Variants in NRG3 observed in about 807,000 individuals in gnomAD.
NRG3 encodes pro-neuregulin-3, membrane-bound isoform.
NRG3 carries 31 observed loss-of-function variants against 66.9 expected under a neutral mutation model. That is an observed-to-expected ratio of 0.46 (90% CI 0.35 to 0.63). NRG3 has a LOEUF of 0.63. NRG3 is among the 20% of genes least tolerant of loss of function. The pLI is 0.00. For missense variants in NRG3, 910 were observed against 878.9 expected (o/e 1.04, Z -0.45); for synonymous variants, 393 against 359.4 (o/e 1.09, Z -1.06).
At chr10:81,916,630 T>C (rs1845738850) in intron 1 of NRG3, among the ~76,000 whole-genome samples, 1 of 152,166 alleles carries the variant, frequency 6.6e-6, no homozygotes, top group Admixed American at 6.5e-5. Flanking sequence ...AGAGATGTAG[T>C]GTACTATTTA....
At chr10:82,041,975 A>G (rs4244937) in intron 1 of NRG3, among the ~76,000 whole-genome samples, 96,644 of 151,886 alleles carry the variant, frequency 0.64, 32,333 homozygotes, top group South Asian at 0.87. Flanking sequence ...AAATGACTTG[A>G]TCAAGTCACA....
intron 2 of NRG3, among the ~76,000 whole-genome samples, chr10:82,657,904 G>GA (rs35129207): frequency 0.62 from 90,328 of 144,838 alleles, 28,249 homozygotes; most frequent in Non-Finnish European, 0.65. Flanking sequence ...CACATACACA[G>GA]AAAAAAAAAA....
At chr10:82,558,977 A>T (rs2044845279) in intron 2 of NRG3, among the ~76,000 whole-genome samples, 1 of 152,204 alleles carries the variant, frequency 6.6e-6, no homozygotes, top group African/African-American at 2.4e-5. Flanking sequence ...CAAAAAATTC[A>T]AAATCACATG....
chr10:82,173,349 C>T (rs1383338016), intron 1 of NRG3, among the ~76,000 whole-genome samples: 1 of 151,856 alleles, frequency 6.6e-6, no homozygotes, highest in Non-Finnish European at 1.5e-5. Context: ...TGGTACACTA[C>T]TGTCAAGACT....
chr10:81,981,995 CA>C (rs2060348539), intron 1 of NRG3, among the ~76,000 whole-genome samples: 1 of 152,114 alleles, frequency 6.6e-6, no homozygotes, highest in African/African-American at 2.4e-5. Flanking sequence ...GTTTTCTTTC[CA>C]AAACATACCT....
At chr10:82,798,064 CTT>C (rs2060877419) in intron 3 of NRG3, among the ~76,000 whole-genome samples, 1 of 152,058 alleles carries the variant, frequency 6.6e-6, no homozygotes, top group Non-Finnish European at 1.5e-5. Flanking sequence ...TTTCAATACT[CTT>C]TTGTATACCT....
chr10:82,379,662 G>A (rs1050827945), intron 2 of NRG3, among the ~76,000 whole-genome samples: 1 of 151,988 alleles, frequency 6.6e-6, no homozygotes, highest in African/African-American at 2.4e-5. Flanking sequence ...GGGGAAGAAG[G>A]ACTCTGGTTT....
chr10:82,322,257 G>A (rs2081617052), intron 1 of NRG3, among the ~76,000 whole-genome samples: 1 of 152,166 alleles, frequency 6.6e-6, no homozygotes. Context: ...ATTTATAAGA[G>A]TGGATAAAAA....
intron 1 of NRG3, among the ~76,000 whole-genome samples, chr10:82,229,784 A>G (rs1380621144): frequency 6.6e-6 from 1 of 152,196 alleles, no homozygotes; most frequent in Non-Finnish European, 1.5e-5. Context: ...TCAAGTTGAG[A>G]TTTTAGTTGA....
chr10:82,511,093 G>T (rs1210961660), intron 2 of NRG3, among the ~76,000 whole-genome samples: 1 of 152,148 alleles, frequency 6.6e-6, no homozygotes. Flanking sequence ...AAAAGGTAAG[G>T]CTGGATGTTT....
At chr10:81,894,433 T>C (rs1332012513) in intron 1 of NRG3, among the ~76,000 whole-genome samples, 2 of 152,212 alleles carry the variant, frequency 1.3e-5, no homozygotes, top group African/African-American at 4.8e-5. Flanking sequence ...TTGTTTCTTC[T>C]GAGGCCTCTC....
intron 2 of NRG3, among the ~76,000 whole-genome samples, chr10:82,569,928 T>C (rs2133102945): frequency 6.6e-6 from 1 of 151,784 alleles, no homozygotes; most frequent in Non-Finnish European, 1.5e-5. Context: ...TCATAAGTCT[T>C]GCAATTTTCC....
intron 1 of NRG3, among the ~76,000 whole-genome samples, chr10:82,081,773 T>G (rs993755068): frequency 6.6e-6 from 1 of 152,212 alleles, no homozygotes; most frequent in East Asian, 1.9e-4. Flanking sequence ...CCGCATGGTC[T>G]TGGTCTGGGT....
chr10:82,952,471 C>CTCTGTGTGTG (rs1454945180), intron 5 of NRG3, among the ~76,000 whole-genome samples: 5 of 98,844 alleles, frequency 5.1e-5, no homozygotes, highest in Admixed American at 1.2e-4. Flanking sequence ...CTCTCTCTCT[C>CTCTGTGTGTG]TGTGTGTGTG....
chr10:82,158,561 ATG>A (rs1425973211), intron 1 of NRG3, among the ~76,000 whole-genome samples: 1 of 151,744 alleles, frequency 6.6e-6, no homozygotes, highest in Non-Finnish European at 1.5e-5. Context: ...GGTAAATTGG[ATG>A]TATATTTCTC....
At chr10:82,061,307 C>T (rs575422132) in intron 1 of NRG3, among the ~76,000 whole-genome samples, 12 of 152,234 alleles carry the variant, frequency 7.9e-5, no homozygotes, top group Non-Finnish European at 1.3e-4. Context: ...GCCAAGACTG[C>T]GCCACTGCTC....
At chr10:82,546,955 G>T (rs2132831601) in intron 2 of NRG3, among the ~76,000 whole-genome samples, 2 of 152,252 alleles carry the variant, frequency 1.3e-5, no homozygotes, top group Admixed American at 1.3e-4. Flanking sequence ...AGAAGAAAGG[G>T]AGGAAGGTAG....
Position 82,675,399 on chromosome 10 carries a change from A to C in NRG3, c.954-63178A>C, listed in dbSNP as rs534203183. Reference sequence around the variant, plus strand: ...CTGAATAGTTTCTGGTGGGGCCACAAGAGCAGTTGGTGAGTCCAGGTGAAG... The same window carrying C: ...CTGAATAGTTTCTGGTGGGGCCACACGAGCAGTTGGTGAGTCCAGGTGAAG... On this transcript the variant is annotated intron_variant, in intron 2 of 8. Transcript: ENST00000372141. Among the ~76,000 whole-genome samples the C allele has an allele frequency of 1.1e-4, 16 of 152,324 alleles. 1 individual carries two copies. In the South Asian group the frequency reaches 2.7e-3, roughly 26 times the overall value.
At chr10:81,903,914 G>T (rs939192728) in intron 1 of NRG3, among the ~76,000 whole-genome samples, 1 of 151,822 alleles carries the variant, frequency 6.6e-6, no homozygotes, top group Admixed American at 6.6e-5. Flanking sequence ...AATCAGGAAA[G>T]TGAGTCACAT....
Sources: gnomAD v4.1 joint callset for allele counts (sites outside exome capture counted in the v4.1 genomes callset) on GRCh38, gnomAD v4.1.1 for gene constraint, MANE v1.5 for transcripts, NCBI Gene and HGNC (gene_info 2026-07-23, HGNC 2026-07-21) for gene names.